RAB2B: variants seen among roughly 807,000 people sequenced by gnomAD.
RAB2B encodes the protein ras-related protein Rab-2B.
Under a neutral mutation model 29.8 loss-of-function variants are expected in RAB2B, and 20 were observed. The ratio of observed to expected loss-of-function variants is 0.67; its 90% confidence interval spans 0.47 to 0.97. RAB2B has a LOEUF of 0.97. Among genes scored for constraint, RAB2B ranks in the 50% least tolerant of loss-of-function variants. The pLI, the probability that RAB2B is intolerant of heterozygous loss-of-function variation, is 0.00. For missense variants in RAB2B, 218 were observed against 272.0 expected (o/e 0.80, Z 1.40); for synonymous variants, 93 against 91.7 (o/e 1.01, Z -0.08).
chr14:21,470,143 T>C (rs989812403), intron 3 of RAB2B, among the ~76,000 whole-genome samples: 2 of 151,582 alleles, frequency 1.3e-5, no homozygotes, highest in African/African-American at 2.4e-5. Flanking sequence ...TTGGTAGAGA[T>C]GGGTTTTCAC....
At position 21,476,918 on chromosome 14, in the gene RAB2B, A is replaced by G. The variant is rs768356393; in HGVS notation, c.-46T>C. On this transcript the variant is annotated 5_prime_UTR_variant, in exon 1 of 8. Coordinates refer to ENST00000397762, the MANE Select transcript of RAB2B (RefSeq NM_032846.4). Reference sequence around the variant, plus strand: ...CCGGGTCCGCCCGACTTCTATAGCCACTTACCTCCGACCTCTCTAGCCACT... The same window carrying G: ...CCGGGTCCGCCCGACTTCTATAGCCGCTTACCTCCGACCTCTCTAGCCACT... The G allele has an allele frequency of 1.2e-6, 2 of 1,601,944 alleles. No individual in the cohort carries two copies. The highest frequency in any genetic ancestry group is 2.2e-5 in the South Asian group (2 of 90,830).
chr14:21,471,263 G>A (rs1346851570), intron 3 of RAB2B, among the ~76,000 whole-genome samples: 3 of 151,828 alleles, frequency 2.0e-5, no homozygotes, highest in Non-Finnish European at 4.4e-5. Context: ...AGAGTGAGCA[G>A]TTCAATTTGG....
chr14:21,473,016 A>G (rs746253164), intron 3 of RAB2B, among the ~76,000 whole-genome samples: 3 of 151,846 alleles, frequency 2.0e-5, no homozygotes, highest in Non-Finnish European at 4.4e-5. Context: ...ACATGTTGAA[A>G]CCCCCGTCTC....
rs1420014642 is a variant in RAB2B, at chr14:21,460,019, A to G, written c.*1177T>C. On this transcript the variant is annotated 3_prime_UTR_variant, in exon 8 of 8. Transcript: ENST00000397762. ...TCCCTGACCAACTTCACTGCTCTTA[A>G]AAGTTTTGAAGTTACACTAAGAGAT... 1.6e-5 allele frequency: 6 copies of G among 381,916 alleles called. No homozygotes were observed. The highest frequency in any genetic ancestry group is 6.2e-5 in the East Asian group (1 of 16,070). The allele number at this position is 381,916 out of a possible 1,614,324, so 23.7% of individuals were successfully genotyped here.
intron 6 of RAB2B, among the ~76,000 whole-genome samples, chr14:21,462,707 G>T (rs965117628): frequency 1.6e-4 from 24 of 151,890 alleles, no homozygotes; most frequent in Non-Finnish European, 4.4e-5. Context: ...GGGCGTGGTG[G>T]CGCATGCCTG....
intron 3 of RAB2B, among the ~76,000 whole-genome samples, chr14:21,473,664 T>C (rs908096781): frequency 1.3e-5 from 2 of 152,284 alleles, no homozygotes; most frequent in Middle Eastern, 3.4e-3. Flanking sequence ...GTGGATCACC[T>C]GAGGTCAGTT....
chr14:21,474,755 C>T (rs1308427609), intron 3 of RAB2B, 112 bp downstream of exon 3: 3 of 800,470 alleles, frequency 3.7e-6, no homozygotes, highest in Non-Finnish European at 6.3e-6. Context: ...TTTCACCTTT[C>T]CCCTACTTTA....
At chr14:21,472,263 C>T (rs1298186876) in intron 3 of RAB2B, among the ~76,000 whole-genome samples, 2 of 151,798 alleles carry the variant, frequency 1.3e-5, no homozygotes, top group East Asian at 1.9e-4. Flanking sequence ...TACGTGTATA[C>T]ACACACACAC....
chr14:21,469,978 G>T (rs1890770557), intron 3 of RAB2B, among the ~76,000 whole-genome samples: 1 of 143,704 alleles, frequency 7.0e-6, no homozygotes, highest in Non-Finnish European at 1.5e-5. Context: ...TTGAGAGGGA[G>T]TCTCGCTCTG....
chr14:21,474,276 T>C (rs979014543), intron 3 of RAB2B, among the ~76,000 whole-genome samples: 2 of 152,202 alleles, frequency 1.3e-5, no homozygotes, highest in Non-Finnish European at 2.9e-5. Flanking sequence ...GATGGTTACA[T>C]AAATCATGCT....
chr14:21,475,506 C>T (rs1278780391), intron 2 of RAB2B, among the ~76,000 whole-genome samples: 1 of 149,506 alleles, frequency 6.7e-6, no homozygotes, highest in East Asian at 2.0e-4. Context: ...TCTCAGCTCA[C>T]TGCAGCCTCC....
At chr14:21,474,794 C>T in intron 3 of RAB2B, 73 bp downstream of exon 3, 1 of 1,227,634 alleles carries the variant, frequency 8.1e-7, no homozygotes, top group Non-Finnish European at 1.2e-6. Context: ...CCCTCATCGC[C>T]CCTTTCCTTT....
At chr14:21,474,577 G>A (rs917351714) in intron 3 of RAB2B, 1 of 331,992 alleles carries the variant, frequency 3.0e-6, no homozygotes, top group Non-Finnish European at 5.6e-6. Flanking sequence ...AGATGGGAAG[G>A]GAGAAAGAGT....
Position 21,463,682 on chromosome 14 carries a change from C to T in RAB2B, c.448G>A (p.Ala150Thr). 1 of 1,613,852 alleles carries T rather than the reference C, an allele frequency of 6.2e-7. No individual in the cohort carries two copies. The highest frequency in any genetic ancestry group is 1.7e-5 in the Admixed American group (1 of 60,018). The change falls in exon 6 of 8, where the codon GCC becomes ACC. Residue 150 changes from alanine to threonine, a missense_variant. Physicochemically the swap from Ala to Thr is moderately conservative, Grantham distance 58. Coordinates refer to ENST00000397762, the MANE Select transcript of RAB2B (RefSeq NM_032846.4). ...TCTTCAACATTGCAGGCTGTTTTGG[C>T]TGAAGTTTCCATGAATATAAGTCCA... Reference protein sequence around the residue: ...EHGLIFMETSAKTACNVEEAF... With the variant: ...EHGLIFMETSTKTACNVEEAF...
rs778333223 is a variant in RAB2B at position 21,462,394 on chromosome 14, T to C, written c.499A>G (p.Ile167Val). The C allele has an allele frequency of 6.2e-7, 1 of 1,613,700 alleles. No homozygotes were observed. ...EEAFINTAKE[I>V]YRKIQQGLFD... ...AAACCCTGCTGGATCTTCCTATATA[T>C]TTCTTTGGCTGTGTTAATGAAGGCC... The change falls in exon 7 of 8, where the codon ATA becomes GTA. Residue 167 changes from isoleucine (I) to valine (V), a missense_variant. Ile to Val is a conservative substitution (Grantham distance 29). Coordinates refer to ENST00000397762, the MANE Select transcript of RAB2B (RefSeq NM_032846.4).
intron 7 of RAB2B, 81 bp downstream of exon 7, chr14:21,462,269 G>T: frequency 1.0e-5 from 11 of 1,088,344 alleles, no homozygotes; most frequent in African/African-American, 1.6e-5. Flanking sequence ...GATGGGGAAT[G>T]TAAGCATTCC....
At chr14:21,463,265 G>A (rs61973208) in intron 6 of RAB2B, among the ~76,000 whole-genome samples, 2 of 102,444 alleles carry the variant, frequency 2.0e-5, no homozygotes, top group African/African-American at 9.5e-5. Context: ...TTTTTTTTTG[G>A]AGATGGAGTT....
At position 21,476,547 on chromosome 14, in the gene RAB2B, A is replaced by T; in HGVS notation, c.99T>A (p.Pro33=). ...LLQFTDKRFQ[P]VHDLTIGVEF... ...ACTTACCTATTGTGAGGTCGTGGAC[A>T]GGCTGGAACCGCTTATCTGTAAACT... The change falls in exon 2 of 8, where the codon CCT becomes CCA. Residue 33 remains proline, a synonymous_variant. Transcript: ENST00000397762. 6.2e-7 allele frequency: 1 copy of T among 1,613,786 alleles called. No individual in the cohort carries two copies. The highest frequency in any genetic ancestry group is 8.5e-7 in the Non-Finnish European group (1 of 1,180,012).
rs1051486288 is a variant in RAB2B, at chr14:21,474,726, C to A, written c.186+141G>T. On this transcript the variant is annotated intron_variant, in intron 3 of 7. Coordinates refer to ENST00000397762, the MANE Select transcript of RAB2B (RefSeq NM_032846.4). ...CCAGAATTTGTAACTGTAACAGAATCAAAAACTTCTCTCTTTGATTTCACC... is the reference window on the plus strand; with the variant it reads ...CCAGAATTTGTAACTGTAACAGAATAAAAAACTTCTCTCTTTGATTTCACC... 4.6e-6 allele frequency: 3 copies of A among 656,718 alleles called. No homozygotes were observed. The African/African-American group carries it at 5.4e-5, about 12-fold the overall frequency. 40.7% of individuals were successfully genotyped at this position (656,718 alleles called of 1,614,324 possible).
Sources: gnomAD v4.1 joint callset for allele counts (sites outside exome capture counted in the v4.1 genomes callset) on GRCh38, gnomAD v4.1.1 for gene constraint, MANE v1.5 for transcripts, NCBI Gene and HGNC (gene_info 2026-07-23, HGNC 2026-07-21) for gene names.